The following CUBN variants were observed in gnomAD, a reference collection of about 807,000 sequenced individuals.
The protein encoded by CUBN is cubilin.
CUBN carries 282 observed loss-of-function variants against 405.3 expected under a neutral mutation model. That is an observed-to-expected ratio of 0.70 (90% confidence interval 0.63 to 0.77). The LOEUF is 0.77. Ranked by LOEUF, CUBN falls within the 30% of genes least tolerant of loss-of-function variation. The probability of loss-of-function intolerance (pLI) is 0.00; values close to 1 mark genes in which losing one functional copy is unlikely to be tolerated. For synonymous variants in CUBN, 1,684 were observed against 1,617.0 expected (o/e 1.04, Z -0.99); for missense variants, 4,514 against 4,475.2 (o/e 1.01, Z -0.25).
At chr10:16,871,774 A>G (rs898093783) in intron 58 of CUBN, among the ~76,000 whole-genome samples, 1 of 152,196 alleles carries the variant, frequency 6.6e-6, no homozygotes, top group Admixed American at 6.5e-5. Flanking sequence ...TTCCCAGGAG[A>G]GCACAGAAGA....
intron 62 of CUBN, among the ~76,000 whole-genome samples, chr10:16,840,055 G>A (rs547847232): frequency 1.4e-5 from 2 of 140,672 alleles, no homozygotes; most frequent in African/African-American, 2.7e-5. Flanking sequence ...ATCACACACC[G>A]GGGCCTGTTG....
chr10:16,874,212 G>A (rs975663839), intron 58 of CUBN, among the ~76,000 whole-genome samples, 162 bp downstream of exon 58: 4 of 152,134 alleles, frequency 2.6e-5, no homozygotes, highest in Non-Finnish European at 4.4e-5. Flanking sequence ...GAGGGGGAGC[G>A]TCATTTCCCA....
chr10:17,106,597 C>CAAAAA (rs113317804), intron 10 of CUBN, among the ~76,000 whole-genome samples: 3 of 111,158 alleles, frequency 2.7e-5, no homozygotes, highest in African/African-American at 6.6e-5. Context: ...AACGCCATCT[C>CAAAAA]AAAAAAAAAA....
At chr10:16,862,097 G>A (rs529112083) in intron 59 of CUBN, among the ~76,000 whole-genome samples, 5 of 151,568 alleles carry the variant, frequency 3.3e-5, no homozygotes, top group South Asian at 4.2e-4. Flanking sequence ...TGCAGTGAGC[G>A]GAGATCACGC....
intron 15 of CUBN, among the ~76,000 whole-genome samples, chr10:17,087,526 AGTGCAGT>A (rs1564510454): frequency 1.6e-5 from 2 of 122,770 alleles, no homozygotes; most frequent in South Asian, 2.8e-4. Flanking sequence ...CCCAGGCTGG[AGTGCAGT>A]GGCACGATCT....
chr10:17,012,000 C>T lies in CUBN; in HGVS notation c.4168+7833G>A, dbSNP rs183781533. On this transcript the variant is annotated intron_variant, in intron 28 of 66. Transcript: ENST00000377833. The stretch of plus-strand genomic sequence containing the variant: ...GGTGATGACCACTCTAGCTACTTCC[C>T]GCTGGATAGGGGCAAAGAAGGGGCC... Among the ~76,000 whole-genome samples, 711 of 152,252 alleles carry T rather than the reference C, an allele frequency of 4.7e-3. 5 individuals carry two copies. Among genetic ancestry groups the T allele is most frequent in the Admixed American group, 6.6e-3 (101 of 15,290 alleles).
intron 59 of CUBN, among the ~76,000 whole-genome samples, chr10:16,859,747 T>C (rs184753706): frequency 6.6e-6 from 1 of 152,222 alleles, no homozygotes; most frequent in East Asian, 1.9e-4. Context: ...AAGAAATACA[T>C]TAATCCCATA....
chr10:16,964,434 AT>A (rs1456461727), intron 31 of CUBN, among the ~76,000 whole-genome samples: 1 of 152,208 alleles, frequency 6.6e-6, no homozygotes, highest in African/African-American at 2.4e-5. Flanking sequence ...ATATAATATT[AT>A]CTTAACTATG....
chr10:17,038,001 C>T (rs897244821), intron 27 of CUBN, among the ~76,000 whole-genome samples: 40 of 150,338 alleles, frequency 2.7e-4, no homozygotes, highest in African/African-American at 8.6e-4. Context: ...TGCAATGGTG[C>T]GATCCCAGCT....
chr10:16,899,839 T>C (rs1281757659), intron 53 of CUBN, among the ~76,000 whole-genome samples: 4 of 152,206 alleles, frequency 2.6e-5, no homozygotes, highest in African/African-American at 7.2e-5. Flanking sequence ...AGCCAGTGGT[T>C]GTTAACCAGG....
At chr10:16,982,074 CA>C (rs1362911041) in intron 31 of CUBN, among the ~76,000 whole-genome samples, 1 of 152,194 alleles carries the variant, frequency 6.6e-6, no homozygotes, top group Non-Finnish European at 1.5e-5. Context: ...AATGATATAT[CA>C]GGGGCTTTTT....
chr10:16,830,407 A>T (rs1368854125), intron 65 of CUBN, among the ~76,000 whole-genome samples: 2 of 152,166 alleles, frequency 1.3e-5, no homozygotes, highest in Non-Finnish European at 2.9e-5. Flanking sequence ...GTATTTTGGG[A>T]TATTTTATAA....
Position 17,046,062 on chromosome 10 carries a change from C to G in CUBN, c.3362G>C (p.Gly1121Ala). 1 of 1,613,716 alleles carries G rather than the reference C, an allele frequency of 6.2e-7. No homozygotes were observed. Among genetic ancestry groups the G allele is most frequent in the South Asian group, 1.1e-5 (1 of 91,078 alleles). Residue 1121 changes from glycine (G) to alanine (A), a missense_variant, in exon 24 of 67, where the codon GGA (glycine) becomes GCA (alanine). By Grantham distance (60) the Gly-to-Ala change is moderately conservative. Transcript: ENST00000377833. ...GGGTAGATTTGAGCCATAGAATATT[C>G]CCAGCAATGGTGATTTTTCATAGCC... is the stretch of plus-strand genomic sequence containing the variant. ...DGGYEKSPLL[G>A]IFYGSNLPPT...
chr10:17,114,916 T>C (rs1238488389), intron 7 of CUBN, among the ~76,000 whole-genome samples: 1 of 152,184 alleles, frequency 6.6e-6, no homozygotes, highest in African/African-American at 2.4e-5. Context: ...GAGAAGGTCT[T>C]ATCTCAGAGA....
chr10:16,841,272 T>C (rs1839340371), intron 60 of CUBN, among the ~76,000 whole-genome samples: 1 of 152,138 alleles, frequency 6.6e-6, no homozygotes, highest in African/African-American at 2.4e-5. Flanking sequence ...TTGGGAAATA[T>C]ATGATTTTTA....
chr10:16,888,026 C>T (rs538571261), intron 56 of CUBN, among the ~76,000 whole-genome samples: 6 of 152,162 alleles, frequency 3.9e-5, no homozygotes, highest in Admixed American at 1.3e-4. Context: ...CTAAAAATGT[C>T]GAACTCATAG....
At position 17,084,369 on chromosome 10, in the gene CUBN, C is replaced by G. The variant is rs370770104; in HGVS notation, c.2203G>C (p.Val735Leu). ...SGPFTHTRQCVYMMKQPQGEQ... is the reference protein window; with the variant it reads ...SGPFTHTRQCLYMMKQPQGEQ... Reference sequence around the variant, plus strand: ...CCCTGGGGCTGCTTCATCATATAGACGCATTGCCTGGTGTGAGTGAAAGGC... The same window carrying G: ...CCCTGGGGCTGCTTCATCATATAGAGGCATTGCCTGGTGTGAGTGAAAGGC... The change falls in exon 17 of 67, where the codon GTC becomes CTC. Residue 735 changes from valine to leucine, a missense_variant. By Grantham distance (32) the Val-to-Leu change is conservative. Around this residue, in one of 5 missense-constraint regions of CUBN, gnomAD observed 1,448 missense variants for 1,388.0 expected, o/e 1.04. Coordinates refer to ENST00000377833, the MANE Select transcript of CUBN (RefSeq NM_001081.4). The G allele has an allele frequency of 6.2e-7, 1 of 1,614,168 alleles. No homozygotes were observed. The highest frequency in any genetic ancestry group is 2.2e-5 in the East Asian group (1 of 44,880).
Position 16,940,254 on chromosome 10 carries a change from A to G in CUBN, c.5343-17T>C, listed in dbSNP as rs758312168. The G allele has an allele frequency of 1.2e-6, 2 of 1,607,994 alleles. No homozygotes were observed. The highest frequency in any genetic ancestry group is 1.7e-6 in the Non-Finnish European group (2 of 1,174,586). On this transcript the variant is annotated splice_polypyrimidine_tract_variant and intron_variant, in intron 36 of 66. Transcript: ENST00000377833. ...TGGAAAGATCTGATTTGGGGAAAAA[A>G]ATATTTAAAGGGATTAAATTGAGAG...
chr10:16,924,234 G>A (rs1332000619), intron 43 of CUBN, among the ~76,000 whole-genome samples: 1 of 152,146 alleles, frequency 6.6e-6, no homozygotes, highest in Non-Finnish European at 1.5e-5. Flanking sequence ...CAGCTGCAAA[G>A]CTCAGCATCA....
Sources: gnomAD v4.1 joint callset for allele counts (sites outside exome capture counted in the v4.1 genomes callset) on GRCh38, gnomAD v4.1.1 for gene constraint, gnomAD v4.1.1 regional missense constraint, MANE v1.5 for transcripts, NCBI Gene and HGNC (gene_info 2026-07-23, HGNC 2026-07-21) for gene names.